Variants in TRPC6 observed in about 807,000 individuals in gnomAD.
TRPC6 encodes the protein short transient receptor potential channel 6.
TRPC6 carries 55 observed loss-of-function variants against 90.7 expected under a neutral mutation model. The ratio of observed to expected loss-of-function variants is 0.61; its 90% CI spans 0.49 to 0.76. TRPC6 has a LOEUF of 0.76. Among genes scored for constraint, TRPC6 ranks in the 30% least tolerant of loss-of-function variants. The pLI, the probability that TRPC6 is intolerant of heterozygous loss-of-function variation, is 0.00. For missense variants in TRPC6, 989 were observed against 1,122.7 expected (o/e 0.88, Z 1.70); for synonymous variants, 393 against 393.0 (o/e 1.00, Z 0.00).
At position 101,471,337 on chromosome 11, in the gene TRPC6, G is replaced by A; in HGVS notation, c.2255C>T (p.Ser752Phe). The part of the protein sequence containing the change: ...WKFARAKLWF[S>F]YFEEGRTLPV... ...AAGTGTTCTGCCCTCCTCAAAGTAG[G>A]AAAACCAGAGTTTGGCCCTTGCAAA... The change falls in exon 9 of 13, where the codon TCC becomes TTC. Residue 752 changes from serine to phenylalanine, a missense_variant. By Grantham distance (155) the Ser-to-Phe change is radical (BLOSUM62 -2). Transcript: ENST00000344327. The A allele has an allele frequency of 6.2e-7, 1 of 1,613,878 alleles. No individual in the cohort carries two copies. The highest frequency in any genetic ancestry group is 8.5e-7 in the Non-Finnish European group (1 of 1,179,854).
chr11:101,565,343 T>G (rs943299877), intron 1 of TRPC6, among the ~76,000 whole-genome samples: 2 of 152,062 alleles, frequency 1.3e-5, no homozygotes, highest in East Asian at 3.9e-4. Context: ...TAGCAAAATG[T>G]TCATCCTTTG....
chr11:101,478,300 A>C (rs1233160564), intron 5 of TRPC6, among the ~76,000 whole-genome samples: 1 of 152,182 alleles, frequency 6.6e-6, no homozygotes, highest in Non-Finnish European at 1.5e-5. Flanking sequence ...ACTAGGATTG[A>C]ATTCATATAT....
At chr11:101,519,627 G>T (rs571136786) in intron 1 of TRPC6, among the ~76,000 whole-genome samples, 4 of 151,976 alleles carry the variant, frequency 2.6e-5, no homozygotes, top group African/African-American at 9.7e-5. Flanking sequence ...AAAAATCATG[G>T]TGGTGTCCTG....
At chr11:101,565,783 T>C (rs1205202103) in intron 1 of TRPC6, among the ~76,000 whole-genome samples, 4 of 152,140 alleles carry the variant, frequency 2.6e-5, no homozygotes, top group Non-Finnish European at 2.9e-5. Flanking sequence ...CTAAATAGCA[T>C]AATTTTTTAA....
At chr11:101,507,022 C>T (rs1195336240) in intron 1 of TRPC6, among the ~76,000 whole-genome samples, 1 of 149,952 alleles carries the variant, frequency 6.7e-6, no homozygotes, top group Non-Finnish European at 1.5e-5. Flanking sequence ...CACACACACA[C>T]ACACACACAC....
At chr11:101,566,772 G>A (rs1861842079) in intron 1 of TRPC6, among the ~76,000 whole-genome samples, 1 of 152,192 alleles carries the variant, frequency 6.6e-6, no homozygotes, top group South Asian at 2.1e-4. Context: ...CCCGGGAAGT[G>A]CAAGGGGTCG....
chr11:101,567,861 A>G (rs1861871806), intron 1 of TRPC6, among the ~76,000 whole-genome samples: 1 of 152,204 alleles, frequency 6.6e-6, no homozygotes, highest in African/African-American at 2.4e-5. Flanking sequence ...ACCCCTTCCA[A>G]AGGTCATGGA....
chr11:101,528,633 T>C (rs1463671990), intron 1 of TRPC6, among the ~76,000 whole-genome samples: 1 of 152,202 alleles, frequency 6.6e-6, no homozygotes, highest in Non-Finnish European at 1.5e-5. Context: ...TGTAGTCTGC[T>C]TTCTCTTATA....
At chr11:101,471,837 A>C (rs1477672529) in intron 8 of TRPC6, among the ~76,000 whole-genome samples, 1 of 152,182 alleles carries the variant, frequency 6.6e-6, no homozygotes, top group Non-Finnish European at 1.5e-5. Context: ...ATAAGCAATA[A>C]TTTTTTGAAT....
chr11:101,483,065 A>G lies in TRPC6; in HGVS notation c.1394T>C (p.Phe465Ser), dbSNP rs2136690942. 1 of 1,614,122 alleles carries G rather than the reference A, an allele frequency of 6.2e-7. No homozygotes were observed. Among genetic ancestry groups the G allele is most frequent in the African/African-American group, 1.3e-5 (1 of 75,052 alleles). Residue 465 changes from phenylalanine to serine, a missense_variant, in exon 5 of 13, where the codon TTT (phenylalanine) becomes TCT (serine). Coordinates refer to ENST00000344327, the MANE Select transcript of TRPC6 (RefSeq NM_004621.6). ...GLLVMNAADR[F>S]EGTKLLPNET... ...ATTAGGAAGGAGTTTTGTGCCTTCA[A>G]ATCTGTCAGCTGCATTCATGACTAG...
At chr11:101,577,139 C>A (rs1314122576) in intron 1 of TRPC6, among the ~76,000 whole-genome samples, 1 of 152,082 alleles carries the variant, frequency 6.6e-6, no homozygotes. Flanking sequence ...GAAGAGCAAG[C>A]TTCCACACTG....
At chr11:101,577,856 T>TAAA (rs1471711699) in intron 1 of TRPC6, among the ~76,000 whole-genome samples, 1 of 151,852 alleles carries the variant, frequency 6.6e-6, no homozygotes, top group Non-Finnish European at 1.5e-5. Context: ...AAAAGAAGAG[T>TAAA]AGTATGCTGG....
chr11:101,461,492 A>G, intron 10 of TRPC6, among the ~76,000 whole-genome samples: 1 of 152,130 alleles, frequency 6.6e-6, no homozygotes, highest in Non-Finnish European at 1.5e-5. Flanking sequence ...GGATCACCTG[A>G]GCCTGGGAGG....
At chr11:101,561,105 G>GTTAC (rs1555013141) in intron 1 of TRPC6, among the ~76,000 whole-genome samples, 1 of 151,528 alleles carries the variant, frequency 6.6e-6, no homozygotes, top group East Asian at 1.9e-4. Context: ...ATCAGATTGA[G>GTTAC]TTTGACATTC....
At chr11:101,488,686 G>A (rs180719813) in intron 4 of TRPC6, among the ~76,000 whole-genome samples, 1 of 152,112 alleles carries the variant, frequency 6.6e-6, no homozygotes, top group East Asian at 1.9e-4. Flanking sequence ...CATTAACAGT[G>A]GTGATATTAC....
chr11:101,471,720 G>A (rs1166698500), intron 8 of TRPC6, among the ~76,000 whole-genome samples: 1 of 152,012 alleles, frequency 6.6e-6, no homozygotes, highest in African/African-American at 2.4e-5. Flanking sequence ...ATTTATTTGG[G>A]ACACAGATCA....
intron 1 of TRPC6, among the ~76,000 whole-genome samples, chr11:101,508,105 T>C (rs183361868): frequency 4.6e-5 from 7 of 152,206 alleles, no homozygotes; most frequent in Admixed American, 3.3e-4. Context: ...AAGACTTTTC[T>C]GCTTTTAAAG....
intron 2 of TRPC6, among the ~76,000 whole-genome samples, chr11:101,495,992 A>G (rs554347387): frequency 6.6e-6 from 1 of 152,268 alleles, no homozygotes; most frequent in African/African-American, 2.4e-5. Flanking sequence ...TGGGCTATAC[A>G]GGCTTCTGCT....
chr11:101,479,708 G>A (rs1350487075), intron 5 of TRPC6, among the ~76,000 whole-genome samples: 3 of 152,124 alleles, frequency 2.0e-5, no homozygotes, highest in Admixed American at 6.5e-5. Flanking sequence ...CAGCTATCCT[G>A]AGTTGTTCAT....
Sources: gnomAD v4.1 joint callset for allele counts (sites outside exome capture counted in the v4.1 genomes callset) on GRCh38, gnomAD v4.1.1 for gene constraint, MANE v1.5 for transcripts, NCBI Gene and HGNC (gene_info 2026-07-23, HGNC 2026-07-21) for gene names.